The following COL20A1 variants were observed in gnomAD, a reference collection of about 807,000 sequenced individuals.
COL20A1 encodes the protein collagen type XX alpha 1 chain.
A neutral mutation model predicts 152.9 loss-of-function variants in COL20A1; 164 were observed. The observed-to-expected ratio is 1.07, with a 90% CI of 0.94 to 1.22. The LOEUF is 1.22. Among genes scored for constraint, COL20A1 ranks in the 50% most tolerant of loss-of-function variants. The probability of loss-of-function intolerance (pLI) is 0.00; values close to 1 mark genes in which losing one functional copy is unlikely to be tolerated. For missense variants in COL20A1, 1,873 were observed against 1,744.8 expected, an observed-to-expected ratio of 1.07 and a Z score of -1.31; for synonymous variants, 864 against 756.0, an observed-to-expected ratio of 1.14 and a Z score of -2.34.
chr20:63,311,316 C>A lies in COL20A1; in HGVS notation c.1394-78C>A. On this transcript the variant is annotated intron_variant, in intron 11 of 35. Transcript: ENST00000358894. The surrounding 1 kb of genome is among the most constrained non-coding windows in gnomAD (Gnocchi z 4.4). ...CAGGCGGTGGCCGTGCCCACCCACT[C>A]TGGTGTGAGGGTGCCCCGTGCGTGG... 2 of 1,426,000 alleles carry A rather than the reference C, an allele frequency of 1.4e-6. No homozygotes were observed. Among genetic ancestry groups the A allele is most frequent in the Non-Finnish European group, 1.9e-6 (2 of 1,072,460 alleles). 88.3% of individuals were successfully genotyped at this position (1,426,000 alleles called of 1,614,324 possible).
At chr20:63,324,722 G>A (rs1268056883) in intron 27 of COL20A1, 1 of 153,100 alleles carries the variant, frequency 6.5e-6, no homozygotes, top group East Asian at 1.9e-4. Flanking sequence ...ATTTCGCACT[G>A]ATGCTTCTAA....
At position 63,305,441 on chromosome 20, in the gene COL20A1, T is replaced by G. The variant is rs755515180; in HGVS notation, c.218T>G (p.Leu73Arg). The part of the protein sequence containing the change: ...MAGDSEQEVI[L>R]TTKTPKATVG... ...GGGGACTCGGAACAGGAGGTGATAC[T>G]GACCACCAAGACCCCTAAGGCCACA... Residue 73 changes from leucine (L) to arginine (R), a missense_variant, in exon 4 of 36, where the codon CTG becomes CGG. Leu to Arg is a moderately radical substitution (Grantham distance 102). Coordinates refer to ENST00000358894, the MANE Select transcript of COL20A1 (RefSeq NM_020882.4). This position sits in a 1 kb window ranked among gnomAD's most constrained non-coding sequence, Gnocchi z 4.9. 4 of 1,589,150 alleles carry G rather than the reference T, an allele frequency of 2.5e-6. No individual in the cohort carries two copies. In the South Asian group the frequency reaches 4.6e-5, roughly 18 times the overall value.
rs1056050405 is a variant in COL20A1 at position 63,321,621 on chromosome 20, C to T, written c.3241-437C>T. Among the ~76,000 whole-genome samples the T allele has an allele frequency of 2.6e-5, 4 of 152,310 alleles. No homozygotes were observed. The South Asian group carries it at 8.3e-4, about 32-fold the overall frequency. On this transcript the variant is annotated intron_variant, in intron 26 of 35. Coordinates refer to ENST00000358894, the MANE Select transcript of COL20A1 (RefSeq NM_020882.4). The stretch of plus-strand genomic sequence containing the variant: ...CAGCAGGAGCTATACGGGCCCTCTA[C>T]CCAGGCCTCAGGGAGGCGGCCCTCC...
intron 20 of COL20A1, 32 bp from the exon 21 acceptor site, chr20:63,316,521 C>T (rs1601426933): frequency 6.4e-7 from 1 of 1,573,200 alleles, no homozygotes. Flanking sequence ...CTGAGGGTCC[C>T]TCGGTGCCCC....
chr20:63,293,945 A>G (rs2067749146), intron 1 of COL20A1, among the ~76,000 whole-genome samples: 1 of 142,070 alleles, frequency 7.0e-6, no homozygotes, highest in African/African-American at 2.7e-5. Flanking sequence ...GGACCCTAGA[A>G]CCCTACTGTG....
chr20:63,324,682 A>AG (rs2068218053), intron 27 of COL20A1: 1 of 153,048 alleles, frequency 6.5e-6, no homozygotes, highest in Admixed American at 6.5e-5. Context: ...CATGTGCTGC[A>AG]GAGCTCAGCT....
intron 33 of COL20A1, 96 bp from the exon 34 acceptor site, chr20:63,328,235 G>T (rs774323216): frequency 4.5e-6 from 7 of 1,555,692 alleles, no homozygotes; most frequent in Non-Finnish European, 6.2e-6. Context: ...TTCACCCATC[G>T]TTAGCACACC....
chr20:63,328,551 T>C (rs2068288921), intron 34 of COL20A1, 53 bp downstream of exon 34: 4 of 1,526,844 alleles, frequency 2.6e-6, no homozygotes, highest in Non-Finnish European at 3.6e-6. Flanking sequence ...GGGGCGCCGG[T>C]TGTCCCCTGG....
chr20:63,318,357 T>C (rs1188049080), intron 21 of COL20A1, among the ~76,000 whole-genome samples: 2 of 151,054 alleles, frequency 1.3e-5, no homozygotes, highest in Non-Finnish European at 3.0e-5. Flanking sequence ...GGAAGACAGA[T>C]AGGAGGCTAC....
At position 63,305,935 on chromosome 20, in the gene COL20A1, C is replaced by G. The variant is rs778936614; in HGVS notation, c.392C>G (p.Ser131Cys). Residue 131 changes from serine to cysteine, a missense_variant, in exon 5 of 36, where the codon TCT (serine) becomes TGT (cysteine). By Grantham distance (112) the Ser-to-Cys change is moderately radical. Coordinates refer to ENST00000358894, the MANE Select transcript of COL20A1 (RefSeq NM_020882.4). This position sits in a 1 kb window ranked among gnomAD's most constrained non-coding sequence, Gnocchi z 4.9. The stretch of plus-strand genomic sequence containing the variant: ...AGGAGCAGCCAGAGGCCCCTCGGCT[C>G]TGGAGCCCCGGAGCCCACCCCCTCC... Reference protein sequence around the residue: ...LDRSSQRPLGSGAPEPTPSHT... With the variant: ...LDRSSQRPLGCGAPEPTPSHT... 2.7e-5 allele frequency: 43 copies of G among 1,612,712 alleles called. No homozygotes were observed. Among genetic ancestry groups the G allele is most frequent in the South Asian group, 2.2e-4 (20 of 91,092 alleles).
Position 63,334,388 on chromosome 20 carries a change from T to C in COL20A1, c.*3672T>C, listed in dbSNP as rs958154477. ...AGCTGCAGTGGTACCTAGAGGGCAA[T>C]TTATAGCTGTAAATACAGTGCTTTG... is the stretch of plus-strand genomic sequence containing the variant. On this transcript the variant is annotated 3_prime_UTR_variant, in exon 36 of 36. Coordinates refer to ENST00000358894, the MANE Select transcript of COL20A1 (RefSeq NM_020882.4). The C allele has an allele frequency of 1.3e-5, 2 of 152,170 alleles. No homozygotes were observed. The allele number at this position is 152,170 out of a possible 1,614,324, so 9.4% of individuals were successfully genotyped here.
chr20:63,305,786 C>T lies in COL20A1; in HGVS notation c.338-95C>T. On this transcript the variant is annotated intron_variant, in intron 4 of 35. Coordinates refer to ENST00000358894, the MANE Select transcript of COL20A1 (RefSeq NM_020882.4). This position sits in a 1 kb window ranked among gnomAD's most constrained non-coding sequence, Gnocchi z 4.9. ...CTCCCAGGCTCCTGGGCCCTCAGCA[C>T]CCACAGATGCGCCCTTGAAGGGGTG... 2 of 1,340,450 alleles carry T rather than the reference C, an allele frequency of 1.5e-6. No individual in the cohort carries two copies. The highest frequency in any genetic ancestry group is 2.1e-6 in the Non-Finnish European group (2 of 956,412). The allele number at this position is 1,340,450 out of a possible 1,614,324, so 83.0% of individuals were successfully genotyped here.
At position 63,319,219 on chromosome 20, in the gene COL20A1, C is replaced by T. The variant is rs201699656; in HGVS notation, c.2806+19C>T. 6.2e-6 allele frequency: 10 copies of T among 1,608,828 alleles called. No homozygotes were observed. Among genetic ancestry groups the T allele is most frequent in the South Asian group, 5.5e-5 (5 of 90,374 alleles). ...CTGGATGGTGACGTGGGCCCCGCGT[C>T]GCCCCCAGCAGTCAGGAGGAGTAGG... is the stretch of plus-strand genomic sequence containing the variant. On this transcript the variant is annotated intron_variant, in intron 22 of 35. Transcript: ENST00000358894. The surrounding 1 kb of genome is among the most constrained non-coding windows in gnomAD (Gnocchi z 4.4).
Position 63,313,029 on chromosome 20 carries a change from C to T in COL20A1, c.2077-88C>T. The T allele has an allele frequency of 2.6e-6, 4 of 1,543,862 alleles. No individual in the cohort carries two copies. In the South Asian group the frequency reaches 3.6e-5, roughly 14 times the overall value. On this transcript the variant is annotated intron_variant, in intron 16 of 35. Transcript: ENST00000358894. This position sits in a 1 kb window ranked among gnomAD's most constrained non-coding sequence, Gnocchi z 5.9. ...GGCTCAGAGCCATATGTGCGCCCACCCTGTCTCCCAGGGATGCCTCACTGC... is the reference window on the plus strand; with the variant it reads ...GGCTCAGAGCCATATGTGCGCCCACTCTGTCTCCCAGGGATGCCTCACTGC...
intron 10 of COL20A1, 65 bp downstream of exon 10, chr20:63,309,980 A>G: frequency 7.1e-7 from 1 of 1,401,908 alleles, no homozygotes; most frequent in East Asian, 2.4e-5. Flanking sequence ...CTGATAAGCC[A>G]AAGGGAGGGC....
In COL20A1 at chr20:63,329,572, C is replaced by A; in HGVS notation, c.3782-13C>A. On this transcript the variant is annotated splice_polypyrimidine_tract_variant and intron_variant, in intron 34 of 35. Transcript: ENST00000358894. The stretch of plus-strand genomic sequence containing the variant: ...CATTGCTCCGTCCTCACATGCCCTC[C>A]CTTTCCTCGCAGGGGAGCCTGGAGC... The A allele has an allele frequency of 6.2e-7, 1 of 1,607,336 alleles. No individual in the cohort carries two copies. The highest frequency in any genetic ancestry group is 2.2e-5 in the East Asian group (1 of 44,718).
At chr20:63,325,782 G>A (rs1387067620) in intron 29 of COL20A1, 61 bp downstream of exon 29, 1 of 1,488,400 alleles carries the variant, frequency 6.7e-7, no homozygotes, top group Non-Finnish European at 9.3e-7. Context: ...GGGGACGGGG[G>A]GCCTTGGAGA....
rs565499670 is a variant in COL20A1, at chr20:63,317,566, A to G, written c.2663+875A>G. On this transcript the variant is annotated intron_variant, in intron 21 of 35. Coordinates refer to ENST00000358894, the MANE Select transcript of COL20A1 (RefSeq NM_020882.4). ...ATATATATTTAAAAGCTCACCTAGC[A>G]CTGTTGGGGCTTAGGAATGTCTCTC... is the stretch of plus-strand genomic sequence containing the variant. Among the ~76,000 whole-genome samples the G allele has an allele frequency of 5.7e-4, 86 of 151,626 alleles. 4 individuals are homozygous for G. In the South Asian group the frequency reaches 0.017, roughly 29 times the overall value.
chr20:63,323,110 T>C (rs1568786719), intron 27 of COL20A1, among the ~76,000 whole-genome samples: 1 of 152,272 alleles, frequency 6.6e-6, no homozygotes, highest in Non-Finnish European at 1.5e-5. Flanking sequence ...CCGCGTCTGA[T>C]AGATGAAAAT....
Sources: allele counts gnomAD v4.1 joint callset (sites outside exome capture counted in the v4.1 genomes callset), GRCh38; gene constraint gnomAD v4.1.1; non-coding constraint Gnocchi (gnomAD v3.1); transcripts MANE v1.5; gene names NCBI Gene and HGNC (gene_info 2026-07-23, HGNC 2026-07-21).